Variants in PBX3 observed in about 807,000 individuals in gnomAD.
PBX3 encodes the protein PBX homeobox 3.
In PBX3, 14 loss-of-function variants were observed where a neutral mutation model predicts 48.5. The ratio of observed to expected loss-of-function variants is 0.29; its 90% CI spans 0.19 to 0.45. The LOEUF (loss-of-function observed/expected upper bound fraction) is 0.45, where lower values mean the gene tolerates loss of function less well. Ranked by LOEUF, PBX3 falls within the 20% of genes least tolerant of loss-of-function variation. PBX3 has a pLI of 1.00. For synonymous variants in PBX3, 210 were observed against 200.3 expected, an observed-to-expected ratio of 1.05 and a Z score of -0.41; for missense variants, 386 against 546.7, an observed-to-expected ratio of 0.71 and a Z score of 2.93.
intron 2 of PBX3, among the ~76,000 whole-genome samples, chr9:125,794,945 A>G (rs1195804003): frequency 6.6e-6 from 1 of 152,120 alleles, no homozygotes; most frequent in Non-Finnish European, 1.5e-5. Flanking sequence ...TTTGAAAGCA[A>G]CTCAAACTGA....
At chr9:125,888,468 G>C (rs991710277) in intron 2 of PBX3, among the ~76,000 whole-genome samples, 1 of 152,112 alleles carries the variant, frequency 6.6e-6, no homozygotes, top group African/African-American at 2.4e-5. Flanking sequence ...TCACTCTGCT[G>C]TAGGAGAGGA....
At chr9:125,799,012 G>A (rs964751700) in intron 2 of PBX3, among the ~76,000 whole-genome samples, 2 of 151,720 alleles carry the variant, frequency 1.3e-5, no homozygotes, top group African/African-American at 4.8e-5. Flanking sequence ...TATGTAATTG[G>A]GTATATATAC....
At chr9:125,875,576 G>T (rs1355989982) in intron 2 of PBX3, among the ~76,000 whole-genome samples, 1 of 152,070 alleles carries the variant, frequency 6.6e-6, no homozygotes, top group Admixed American at 6.6e-5. Context: ...CATTTGGGTG[G>T]CACTCAGTAA....
At chr9:125,807,337 GAA>G (rs908753469) in intron 2 of PBX3, among the ~76,000 whole-genome samples, 3 of 141,360 alleles carry the variant, frequency 2.1e-5, no homozygotes, top group Non-Finnish European at 4.7e-5. Flanking sequence ...ACTCAAAAAA[GAA>G]AAAAAAAAAG....
chr9:125,965,609 C>T (rs1046870140), intron 8 of PBX3, among the ~76,000 whole-genome samples: 16 of 152,194 alleles, frequency 1.1e-4, no homozygotes, highest in South Asian at 4.1e-4. Context: ...AGCCCTTCTT[C>T]GGCGTGTTGA....
chr9:125,945,424 C>T (rs1301305936), intron 5 of PBX3, among the ~76,000 whole-genome samples: 1 of 152,164 alleles, frequency 6.6e-6, no homozygotes, highest in Non-Finnish European at 1.5e-5. Context: ...TTATTAATTT[C>T]TACTCCTTCA....
At chr9:125,770,783 A>G (rs2416972) in intron 2 of PBX3, among the ~76,000 whole-genome samples, 1 of 152,200 alleles carries the variant, frequency 6.6e-6, no homozygotes, top group Non-Finnish European at 1.5e-5. Flanking sequence ...ATTTGACAAC[A>G]TTAGCAACAT....
chr9:125,833,234 C>G (rs1416638561), intron 2 of PBX3, among the ~76,000 whole-genome samples: 1 of 152,000 alleles, frequency 6.6e-6, no homozygotes, highest in African/African-American at 2.4e-5. Context: ...GCCTGTAATC[C>G]CAGCACTTTG....
chr9:125,748,544 T>C lies in PBX3; in HGVS notation c.201-6T>C. ...ATACCTTTGTGTTTCGTTATTTGTT[T>C]TTTAGGAAACATGCCCTGAACTGTC... is the stretch of plus-strand genomic sequence containing the variant. On this transcript the variant is annotated splice_region_variant and splice_polypyrimidine_tract_variant and intron_variant, in intron 1 of 8. Coordinates refer to ENST00000373489, the MANE Select transcript of PBX3 (RefSeq NM_006195.6). 1 of 1,613,542 alleles carries C rather than the reference T, an allele frequency of 6.2e-7. No homozygotes were observed.
intron 2 of PBX3, among the ~76,000 whole-genome samples, chr9:125,789,032 T>C: frequency 6.6e-6 from 1 of 152,218 alleles, no homozygotes; most frequent in Non-Finnish European, 1.5e-5. Flanking sequence ...CATACTGTTG[T>C]TATCTTTCTA....
At chr9:125,802,822 G>A (rs547136669) in intron 2 of PBX3, among the ~76,000 whole-genome samples, 1 of 151,870 alleles carries the variant, frequency 6.6e-6, no homozygotes, top group Non-Finnish European at 1.5e-5. Flanking sequence ...GGGATTACAG[G>A]TGCATGCCAC....
intron 5 of PBX3, among the ~76,000 whole-genome samples, chr9:125,956,160 ATAC>A (rs1842302819): frequency 6.6e-6 from 1 of 152,226 alleles, no homozygotes; most frequent in Non-Finnish European, 1.5e-5. Flanking sequence ...TGTGAGGAAG[ATAC>A]TACTATTTAT....
At chr9:125,881,815 A>G (rs1840388463) in intron 2 of PBX3, among the ~76,000 whole-genome samples, 1 of 151,924 alleles carries the variant, frequency 6.6e-6, no homozygotes, top group Admixed American at 6.6e-5. Context: ...AATCCTTAAG[A>G]GCCTTAATAA....
Position 125,966,171 on chromosome 9 carries a change from C to A in PBX3, c.*248C>A. Reference sequence around the variant, plus strand: ...GCCAAGATTTAACATTGTTGACAGTCCTGTAGCTATTTTATCATAATTTAT... The same window carrying A: ...GCCAAGATTTAACATTGTTGACAGTACTGTAGCTATTTTATCATAATTTAT... On this transcript the variant is annotated 3_prime_UTR_variant, in exon 9 of 9. Coordinates refer to ENST00000373489, the MANE Select transcript of PBX3 (RefSeq NM_006195.6). 2.9e-6 allele frequency: 1 copy of A among 343,226 alleles called. No individual in the cohort carries two copies. The highest frequency in any genetic ancestry group is 7.0e-5 in the South Asian group (1 of 14,214). 21.3% of individuals were successfully genotyped at this position (343,226 alleles called of 1,614,324 possible). A position where few individuals can be genotyped will look rare whatever the true frequency, so the allele number is the denominator to read the frequency against.
intron 6 of PBX3, among the ~76,000 whole-genome samples, chr9:125,961,288 C>T (rs1842425457): frequency 6.6e-6 from 1 of 152,310 alleles, no homozygotes; most frequent in South Asian, 2.1e-4. Flanking sequence ...GCACCGCTGT[C>T]CTTTCTCTGC....
chr9:125,958,662 T>C (rs1842361769), intron 5 of PBX3, among the ~76,000 whole-genome samples: 1 of 151,770 alleles, frequency 6.6e-6, no homozygotes, highest in Non-Finnish European at 1.5e-5. Context: ...ATAGAGGAGG[T>C]GGCACAGGCT....
chr9:125,898,064 TATG>T (rs1161162592), intron 2 of PBX3, among the ~76,000 whole-genome samples: 5 of 151,830 alleles, frequency 3.3e-5, no homozygotes, highest in Non-Finnish European at 7.4e-5. Flanking sequence ...AGTAAATAAT[TATG>T]ATGGAATTGA....
At chr9:125,747,701 G>C (rs1836231500) in intron 1 of PBX3, 48 bp downstream of exon 1, 1 of 1,424,650 alleles carries the variant, frequency 7.0e-7, no homozygotes, top group Admixed American at 2.4e-5. Context: ...CGGGAGCCGG[G>C]CCCGCGGCCG....
intron 2 of PBX3, among the ~76,000 whole-genome samples, chr9:125,824,510 T>G (rs1202155180): frequency 6.6e-6 from 1 of 152,242 alleles, no homozygotes; most frequent in African/African-American, 2.4e-5. Flanking sequence ...TTCTCATTGC[T>G]GTTTTCCAGG....
Sources: gnomAD v4.1 joint callset for allele counts (sites outside exome capture counted in the v4.1 genomes callset) on GRCh38, gnomAD v4.1.1 for gene constraint, MANE v1.5 for transcripts, NCBI Gene and HGNC (gene_info 2026-07-23, HGNC 2026-07-21) for gene names.